Variants in EXT1 observed in about 807,000 individuals in gnomAD.
The protein encoded by EXT1 is exostosin glycosyltransferase 1.
A neutral mutation model predicts 82.5 loss-of-function variants in EXT1; 20 were observed. The observed-to-expected ratio is 0.24, with a 90% CI of 0.17 to 0.35. The LOEUF (loss-of-function observed/expected upper bound fraction) is 0.35. Ranked by LOEUF, EXT1 falls within the 10% of genes least tolerant of loss-of-function variation. The pLI, the probability that EXT1 is intolerant of heterozygous loss-of-function variation, is 1.00. For synonymous variants in EXT1, 348 were observed against 350.8 expected (o/e 0.99, Z 0.09); for missense variants, 757 against 936.5 (o/e 0.81, Z 2.50).
chr8:117,954,842 T>G (rs961808055), intron 1 of EXT1, among the ~76,000 whole-genome samples: 1 of 152,218 alleles, frequency 6.6e-6, no homozygotes, highest in African/African-American at 2.4e-5. Flanking sequence ...ACCTACTTGA[T>G]ATCTAATGAT....
At chr8:118,057,895 C>A (rs1481778267) in intron 1 of EXT1, among the ~76,000 whole-genome samples, 1 of 151,102 alleles carries the variant, frequency 6.6e-6, no homozygotes, top group Non-Finnish European at 1.5e-5. Context: ...TCGCTTGAAC[C>A]CAGGAGGCAG....
At chr8:117,909,766 T>A (rs1813610972) in intron 1 of EXT1, among the ~76,000 whole-genome samples, 1 of 75,054 alleles carries the variant, frequency 1.3e-5, no homozygotes, top group South Asian at 4.0e-4. Context: ...GTAAATTAAT[T>A]TTTTTTTATT....
intron 1 of EXT1, among the ~76,000 whole-genome samples, chr8:117,886,469 G>A (rs894552819): frequency 1.3e-5 from 2 of 152,168 alleles, no homozygotes; most frequent in African/African-American, 4.8e-5. Context: ...AAATATAAAT[G>A]AGCATGAATA....
chr8:118,077,620 C>T (rs991188918), intron 1 of EXT1, among the ~76,000 whole-genome samples: 2 of 151,914 alleles, frequency 1.3e-5, no homozygotes, highest in Admixed American at 6.6e-5. Context: ...AAACAGAATT[C>T]GGCAGAAGAT....
intron 1 of EXT1, among the ~76,000 whole-genome samples, chr8:118,041,947 CAGA>C (rs1563637922): frequency 2.2e-4 from 18 of 81,978 alleles, no homozygotes; most frequent in Admixed American, 6.3e-4. Context: ...GACTCTGCCT[CAGA>C]AAAAAAAAAA....
At chr8:118,065,564 A>G (rs1203672070) in intron 1 of EXT1, among the ~76,000 whole-genome samples, 1 of 152,220 alleles carries the variant, frequency 6.6e-6, no homozygotes, top group African/African-American at 2.4e-5. Flanking sequence ...TTTAATTCAG[A>G]GGCTTCCTTC....
chr8:118,104,884 A>T (rs2130030239), intron 1 of EXT1, among the ~76,000 whole-genome samples: 1 of 152,312 alleles, frequency 6.6e-6, no homozygotes, highest in South Asian at 2.1e-4. Flanking sequence ...GAAGCCAATG[A>T]CCACTTTGTC....
At chr8:117,872,077 C>G (rs1448823216) in intron 1 of EXT1, among the ~76,000 whole-genome samples, 2 of 148,418 alleles carry the variant, frequency 1.3e-5, no homozygotes, top group Non-Finnish European at 3.0e-5. Flanking sequence ...TAGATAGAGG[C>G]TGCAGTGAGC....
At chr8:117,989,115 T>C (rs140360248) in intron 1 of EXT1, among the ~76,000 whole-genome samples, 3 of 149,986 alleles carry the variant, frequency 2.0e-5, no homozygotes, top group Non-Finnish European at 4.4e-5. Flanking sequence ...GTGAAATATC[T>C]CCCTTTTTCA....
chr8:117,948,651 T>C (rs1416324713), intron 1 of EXT1, among the ~76,000 whole-genome samples: 1 of 152,246 alleles, frequency 6.6e-6, no homozygotes, highest in Non-Finnish European at 1.5e-5. Flanking sequence ...GGTCACTAGT[T>C]GAAGCCAGAC....
In EXT1 at chr8:117,883,116, C is replaced by A. The variant is rs535552513; in HGVS notation, c.963-45915G>T. ...GAAAAAAATGAAAAGAAATTATGTTCGAATACTAATGCATACTCAATATTC... is the reference window on the plus strand; with the variant it reads ...GAAAAAAATGAAAAGAAATTATGTTAGAATACTAATGCATACTCAATATTC... On this transcript the variant is annotated intron_variant, in intron 1 of 10. Coordinates refer to ENST00000378204, the MANE Select transcript of EXT1 (RefSeq NM_000127.3). Among the ~76,000 whole-genome samples the A allele has an allele frequency of 5.3e-5, 8 of 152,138 alleles. No homozygotes were observed. In the East Asian group the frequency reaches 1.5e-3, roughly 29 times the overall value.
At position 117,799,561 on chromosome 8, in the gene EXT1, A is replaced by C; in HGVS notation, c.*151T>G. 2 of 857,100 alleles carry C rather than the reference A, an allele frequency of 2.3e-6. No homozygotes were observed. Among genetic ancestry groups the C allele is most frequent in the Admixed American group, 2.4e-5 (1 of 41,700 alleles). The allele number at this position is 857,100 out of a possible 1,614,324, so 53.1% of individuals were successfully genotyped here. ...CCCAGGAGCCAGGAGTTGAGTTCTC[A>C]TTGGCCTTTTTTTTTTTGTCATTCT... On this transcript the variant is annotated 3_prime_UTR_variant, in exon 11 of 11. Coordinates refer to ENST00000378204, the MANE Select transcript of EXT1 (RefSeq NM_000127.3).
chr8:117,860,398 G>T (rs1812661262), intron 1 of EXT1, among the ~76,000 whole-genome samples: 1 of 152,110 alleles, frequency 6.6e-6, no homozygotes, highest in Non-Finnish European at 1.5e-5. Flanking sequence ...TCTACCTATT[G>T]GGTACAATGT....
At position 117,797,554 on chromosome 8, in the gene EXT1, C is replaced by T. The variant is rs1823103959; in HGVS notation, c.*2158G>A. On this transcript the variant is annotated 3_prime_UTR_variant, in exon 11 of 11. Transcript: ENST00000378204. ...TTTGGGGTCATTGAACAAAATATCG[C>T]ATTTATTTTTTGGTAAAGGAGAAAC... 6.6e-6 allele frequency: 1 copy of T among 152,098 alleles called. No homozygotes were observed. Among genetic ancestry groups the T allele is most frequent in the Non-Finnish European group, 1.5e-5 (1 of 68,032 alleles). 9.4% of individuals were successfully genotyped at this position (152,098 alleles called of 1,614,324 possible).
chr8:117,958,306 A>G (rs1028403394), intron 1 of EXT1, among the ~76,000 whole-genome samples: 19 of 152,234 alleles, frequency 1.2e-4, no homozygotes, highest in Non-Finnish European at 1.8e-4. Context: ...GAATGTATGG[A>G]TAGAGCCTAG....
chr8:118,032,414 C>T (rs1816341996), intron 1 of EXT1, among the ~76,000 whole-genome samples: 1 of 151,680 alleles, frequency 6.6e-6, no homozygotes, highest in Admixed American at 6.6e-5. Context: ...AGATTTTTTT[C>T]AGGGTCTGTG....
chr8:118,096,848 T>C (rs1817628040), intron 1 of EXT1, among the ~76,000 whole-genome samples: 1 of 152,200 alleles, frequency 6.6e-6, no homozygotes, highest in South Asian at 2.1e-4. Context: ...CAGGAATGCC[T>C]GAGCTACAAA....
At position 117,854,633 on chromosome 8, in the gene EXT1, T is replaced by C. The variant is rs557646296; in HGVS notation, c.963-17432A>G. On this transcript the variant is annotated intron_variant, in intron 1 of 10. Transcript: ENST00000378204. ...ATACCTTAGCATGTAGAAATAACAA[T>C]GATAATGATGATATAACAGCCACAC... 5.3e-5 allele frequency among the ~76,000 whole-genome samples: 8 copies of C among 152,280 alleles called. No individual in the cohort carries two copies. The South Asian group carries it at 1.7e-3, about 32-fold the overall frequency.
At chr8:118,014,437 G>A (rs562384847) in intron 1 of EXT1, among the ~76,000 whole-genome samples, 5 of 152,194 alleles carry the variant, frequency 3.3e-5, no homozygotes, top group African/African-American at 9.6e-5. Flanking sequence ...TCCTTCTCAT[G>A]TCCGTGCATC....
Sources: gnomAD v4.1 joint callset for allele counts (sites outside exome capture counted in the v4.1 genomes callset) on GRCh38, gnomAD v4.1.1 for gene constraint, MANE v1.5 for transcripts, NCBI Gene and HGNC (gene_info 2026-07-23, HGNC 2026-07-21) for gene names.